Variants in ETFA observed in about 807,000 individuals in gnomAD.
The protein encoded by ETFA is electron transfer flavoprotein subunit alpha, also known as electron transfer flavoprotein subunit alpha, mitochondrial.
Under a neutral mutation model 46.2 loss-of-function variants are expected in ETFA, and 22 were observed. The observed-to-expected ratio is 0.48, with a 90% CI of 0.34 to 0.68. The LOEUF (loss-of-function observed/expected upper bound fraction) is 0.68, where lower values mean the gene tolerates loss of function less well. Ranked by LOEUF, ETFA falls within the 30% of genes least tolerant of loss-of-function variation. The pLI is 0.01. For missense variants in ETFA, 345 were observed against 401.1 expected (o/e 0.86, Z 1.19); for synonymous variants, 131 against 139.9 (o/e 0.94, Z 0.45).
chr15:76,286,603 AACTC>A, intron 5 of ETFA, 122 bp from the exon 6 acceptor site: 1 of 715,776 alleles, frequency 1.4e-6, no homozygotes, highest in Non-Finnish European at 2.6e-6. Context: ...GTTGTCTTCT[AACTC>A]TATTAAGTAT....
intron 11 of ETFA, among the ~76,000 whole-genome samples, chr15:76,222,219 T>C (rs964107189): frequency 6.7e-6 from 1 of 148,228 alleles, no homozygotes; most frequent in East Asian, 2.0e-4. Flanking sequence ...TTTTTTAAAA[T>C]TATAATTTTA....
intron 5 of ETFA, 70 bp downstream of exon 5, chr15:76,287,776 T>C: frequency 1.8e-6 from 2 of 1,105,356 alleles, no homozygotes; most frequent in Non-Finnish European, 2.7e-6. Flanking sequence ...TAAAATTCTA[T>C]CTTCAAGATT....
At chr15:76,258,535 G>A (rs1488882433) in intron 9 of ETFA, among the ~76,000 whole-genome samples, 1 of 152,312 alleles carries the variant, frequency 6.6e-6, no homozygotes, top group Admixed American at 6.5e-5. Context: ...GACTTGGAGG[G>A]GCAAACCTGG....
intron 9 of ETFA, among the ~76,000 whole-genome samples, chr15:76,247,774 T>C (rs1567202530): frequency 6.6e-6 from 1 of 152,234 alleles, no homozygotes; most frequent in Non-Finnish European, 1.5e-5. Flanking sequence ...TACCAAATAA[T>C]GAGTGTAATA....
intron 7 of ETFA, 144 bp downstream of exon 7, chr15:76,285,493 T>A (rs2039696580): frequency 3.2e-6 from 2 of 620,886 alleles, no homozygotes; most frequent in Non-Finnish European, 5.8e-6. Flanking sequence ...ATTTTCCTAA[T>A]TGGTTAAATG....
intron 4 of ETFA, among the ~76,000 whole-genome samples, chr15:76,289,585 A>G (rs1030725971): frequency 2.0e-5 from 3 of 152,322 alleles, no homozygotes; most frequent in Non-Finnish European, 4.4e-5. Context: ...TATCTATCCT[A>G]TTAAAAATAT....
At chr15:76,237,443 G>T (rs777961670) in intron 9 of ETFA, among the ~76,000 whole-genome samples, 63 of 152,140 alleles carry the variant, frequency 4.1e-4, no homozygotes, top group Middle Eastern at 6.3e-3. Flanking sequence ...CAAGAAAGTT[G>T]AAAATGAGGA....
At chr15:76,251,647 G>A (rs1328851339) in intron 9 of ETFA, among the ~76,000 whole-genome samples, 1 of 152,062 alleles carries the variant, frequency 6.6e-6, no homozygotes, top group Non-Finnish European at 1.5e-5. Flanking sequence ...GAGAAAGGGC[G>A]AGAGCTGAGC....
chr15:76,237,210 GC>G (rs921719936), intron 9 of ETFA, among the ~76,000 whole-genome samples: 42 of 152,122 alleles, frequency 2.8e-4, no homozygotes, highest in Non-Finnish European at 4.9e-4. Flanking sequence ...GTGCCACCTC[GC>G]CCGGCTAATT....
chr15:76,274,516 C>A, intron 8 of ETFA, 22 bp from the exon 9 acceptor site: 1 of 1,582,406 alleles, frequency 6.3e-7, no homozygotes, highest in South Asian at 1.1e-5. Context: ...AAATATTTGT[C>A]ATTTTTTTCA....
chr15:76,220,203 G>T (rs1300995432), intron 11 of ETFA, among the ~76,000 whole-genome samples: 1 of 152,138 alleles, frequency 6.6e-6, no homozygotes, highest in African/African-American at 2.4e-5. Flanking sequence ...AGTAGCTGGG[G>T]CTATAGGTGC....
chr15:76,225,459 T>G (rs548809040), intron 11 of ETFA, among the ~76,000 whole-genome samples: 12 of 151,962 alleles, frequency 7.9e-5, no homozygotes, highest in Non-Finnish European at 1.6e-4. Flanking sequence ...CAGCTAATTT[T>G]TTGTATTTTT....
chr15:76,291,978 G>T (rs1163369766), intron 4 of ETFA, among the ~76,000 whole-genome samples: 1 of 152,034 alleles, frequency 6.6e-6, no homozygotes, highest in Non-Finnish European at 1.5e-5. Context: ...CAATGCACAT[G>T]ATCAGATTAC....
At chr15:76,274,132 C>T (rs1310059783) in intron 9 of ETFA, 4 of 394,914 alleles carry the variant, frequency 1.0e-5, no homozygotes, top group Non-Finnish European at 1.9e-5. Flanking sequence ...TGATAAAATG[C>T]TGCTTTTATC....
chr15:76,271,051 T>C (rs945328704), intron 9 of ETFA, among the ~76,000 whole-genome samples: 2 of 151,204 alleles, frequency 1.3e-5, no homozygotes, highest in African/African-American at 4.9e-5. Flanking sequence ...ATGCCTGTAA[T>C]CCAAGCTACT....
chr15:76,221,588 T>C (rs2038956886), intron 11 of ETFA, among the ~76,000 whole-genome samples: 1 of 152,234 alleles, frequency 6.6e-6, no homozygotes, highest in Non-Finnish European at 1.5e-5. Flanking sequence ...ACCTACTATG[T>C]ACCTGGACAG....
chr15:76,254,223 G>C (rs1271638896), intron 9 of ETFA, among the ~76,000 whole-genome samples: 1 of 152,194 alleles, frequency 6.6e-6, no homozygotes, highest in East Asian at 1.9e-4. Context: ...AAACCAGCTG[G>C]AAAGTGAGGG....
chr15:76,233,659 T>G (rs2039092938), intron 9 of ETFA, among the ~76,000 whole-genome samples: 1 of 152,214 alleles, frequency 6.6e-6, no homozygotes, highest in Non-Finnish European at 1.5e-5. Flanking sequence ...CACCTCAGTT[T>G]ATTCTGACTA....
chr15:76,303,697 A>T (rs1167659299), intron 1 of ETFA, among the ~76,000 whole-genome samples: 2 of 152,262 alleles, frequency 1.3e-5, no homozygotes, highest in Non-Finnish European at 2.9e-5. Flanking sequence ...ATATAAAAAA[A>T]TGCTCAACAT....
Sources: allele counts gnomAD v4.1 joint callset (sites outside exome capture counted in the v4.1 genomes callset), GRCh38; gene constraint gnomAD v4.1.1; transcripts MANE v1.5; gene names NCBI Gene and HGNC (gene_info 2026-07-23, HGNC 2026-07-21).